The following ADGRF5 variants were observed in gnomAD, a reference collection of about 807,000 sequenced individuals.
ADGRF5 encodes the protein G-protein coupled receptor 116.
In ADGRF5, 75 loss-of-function variants were observed where a neutral mutation model predicts 132.3. The ratio of observed to expected loss-of-function variants is 0.57; its 90% CI spans 0.47 to 0.69. ADGRF5 has a LOEUF of 0.69. ADGRF5 is among the 30% of genes least tolerant of loss of function. The pLI, the probability that ADGRF5 is intolerant of heterozygous loss-of-function variation, is 0.00. For synonymous variants in ADGRF5, 629 were observed against 597.6 expected (o/e 1.05, Z -0.77); for missense variants, 1,516 against 1,630.6 (o/e 0.93, Z 1.21).
At chr6:46,884,991 C>T (rs547129555) in intron 4 of ADGRF5, among the ~76,000 whole-genome samples, 9 of 152,096 alleles carry the variant, frequency 5.9e-5, no homozygotes. Context: ...CACTTGAGCC[C>T]AGGAGTTTGA....
chr6:46,897,787 G>T (rs1774338705), intron 3 of ADGRF5, among the ~76,000 whole-genome samples: 1 of 152,114 alleles, frequency 6.6e-6, no homozygotes, highest in Non-Finnish European at 1.5e-5. Context: ...CTCGTGATCT[G>T]CCCACCTTGG....
chr6:46,915,538 G>T (rs1238854184), intron 1 of ADGRF5, among the ~76,000 whole-genome samples: 1 of 152,006 alleles, frequency 6.6e-6, no homozygotes, highest in African/African-American at 2.4e-5. Context: ...ACAGTAATTG[G>T]CAGGGCCACC....
chr6:46,856,492 A>G (rs533458616), intron 19 of ADGRF5, among the ~76,000 whole-genome samples: 5 of 152,342 alleles, frequency 3.3e-5, no homozygotes, highest in African/African-American at 9.6e-5. Flanking sequence ...TAGCATCTCA[A>G]TGACAGCTCT....
intron 12 of ADGRF5, 22 bp from the exon 13 acceptor site, chr6:46,867,159 T>G (rs1317596632): frequency 1.6e-6 from 2 of 1,230,964 alleles, no homozygotes; most frequent in African/African-American, 3.7e-5. Context: ...ACGGCAAAAA[T>G]GAGATGGAAT....
chr6:46,901,330 C>A (rs141790389), intron 2 of ADGRF5, among the ~76,000 whole-genome samples: 2 of 152,290 alleles, frequency 1.3e-5, no homozygotes, highest in East Asian at 3.9e-4. Context: ...ACTCCTTTCA[C>A]ACTCAATAGA....
intron 3 of ADGRF5, among the ~76,000 whole-genome samples, chr6:46,889,566 GTGTATATA>G (rs1220298818): frequency 2.5e-5 from 3 of 121,052 alleles, no homozygotes. Context: ...GTGTGTGTGT[GTGTATATA>G]TATATATATA....
At chr6:46,872,693 C>T (rs1238506403) in intron 10 of ADGRF5, among the ~76,000 whole-genome samples, 1 of 152,104 alleles carries the variant, frequency 6.6e-6, no homozygotes, top group Non-Finnish European at 1.5e-5. Flanking sequence ...ACCATGCCCT[C>T]CATGCCATCT....
intron 1 of ADGRF5, among the ~76,000 whole-genome samples, chr6:46,929,146 G>A (rs1325019826): frequency 6.6e-6 from 1 of 152,086 alleles, no homozygotes; most frequent in South Asian, 2.1e-4. Flanking sequence ...TATACACCAT[G>A]GAATACTATG....
rs747694687 is a variant in ADGRF5, at chr6:46,888,301, T to A, written c.328+34A>T. The A allele has an allele frequency of 7.5e-6, 11 of 1,469,836 alleles. No individual in the cohort carries two copies. In the South Asian group the frequency reaches 9.1e-5, roughly 12 times the overall value. 91.0% of individuals were successfully genotyped at this position (1,469,836 alleles called of 1,614,324 possible). On this transcript the variant is annotated intron_variant, in intron 4 of 20. Transcript: ENST00000283296. ...AGACAGTCTGTCTCAAGACATCCAA[T>A]CATTTATTCTGAAGCAATGGGTCTC... is the stretch of plus-strand genomic sequence containing the variant.
At chr6:46,953,026 G>C (rs769225020) in intron 1 of ADGRF5, among the ~76,000 whole-genome samples, 2 of 152,130 alleles carry the variant, frequency 1.3e-5, no homozygotes, top group Non-Finnish European at 2.9e-5. Flanking sequence ...GCAGGCATTA[G>C]AGCATTCAAA....
intron 1 of ADGRF5, among the ~76,000 whole-genome samples, chr6:46,937,221 AGTGTGTGTGTGT>A (rs10558166): frequency 2.7e-5 from 4 of 146,690 alleles, no homozygotes; most frequent in Non-Finnish European, 6.0e-5. Flanking sequence ...GGCAATAAGG[AGTGTGTGTGTGT>A]GTGTGTGTGT....
At chr6:46,884,461 C>T (rs1772839952) in intron 4 of ADGRF5, among the ~76,000 whole-genome samples, 190 bp from the exon 5 acceptor site, 1 of 152,226 alleles carries the variant, frequency 6.6e-6, no homozygotes, top group African/African-American at 2.4e-5. Context: ...TTAGCCATGA[C>T]AATCTGAAAG....
Position 46,858,169 on chromosome 6 carries a change from A to G in ADGRF5, c.3734T>C (p.Leu1245Pro). The G allele has an allele frequency of 6.2e-7, 1 of 1,614,024 alleles. No homozygotes were observed. Among genetic ancestry groups the G allele is most frequent in the Non-Finnish European group, 8.5e-7 (1 of 1,179,924 alleles). Residue 1245 changes from leucine to proline, a missense_variant, in exon 17 of 21, where the codon CTT becomes CCT. Physicochemically the swap from Leu to Pro is moderately conservative, Grantham distance 98. This residue lies in a region of ADGRF5 where 571 missense variants were observed against 701.2 expected (regional missense o/e 0.81). Coordinates refer to ENST00000283296, the MANE Select transcript of ADGRF5 (RefSeq NM_001098518.2). ...GLTTVFPGTN[L>P]VFHIIFAILN... ...GATGGCAAATATGATATGGAACACA[A>G]GGTTGGTCCCTGGGAACACAGTGGT... is the stretch of plus-strand genomic sequence containing the variant.
At chr6:46,862,690 A>G (rs1472523490) in intron 15 of ADGRF5, among the ~76,000 whole-genome samples, 198 bp downstream of exon 15, 1 of 89,064 alleles carries the variant, frequency 1.1e-5, no homozygotes, top group Non-Finnish European at 2.1e-5. Flanking sequence ...TTGTCTTAGT[A>G]TTTGAATTGA....
At chr6:46,945,368 G>A (rs1337331741) in intron 1 of ADGRF5, among the ~76,000 whole-genome samples, 1 of 152,146 alleles carries the variant, frequency 6.6e-6, no homozygotes, top group African/African-American at 2.4e-5. Context: ...TCCTGAAAGA[G>A]AACAAGATGT....
chr6:46,872,966 AG>A (rs971669038), intron 10 of ADGRF5, among the ~76,000 whole-genome samples: 3 of 152,298 alleles, frequency 2.0e-5, no homozygotes, highest in African/African-American at 7.2e-5. Context: ...GACCCCAGAA[AG>A]GTTGTTTGAA....
At position 46,898,678 on chromosome 6, in the gene ADGRF5, G is replaced by A. The variant is rs558756495; in HGVS notation, c.157+1351C>T. On this transcript the variant is annotated intron_variant, in intron 3 of 20. Coordinates refer to ENST00000283296, the MANE Select transcript of ADGRF5 (RefSeq NM_001098518.2). ...AAGCGCTGGACAACAGTTGAGTCTG[G>A]CCACTGCACCGTGAAAGGCTTGAAC... 2.4e-4 allele frequency among the ~76,000 whole-genome samples: 36 copies of A among 152,266 alleles called. No homozygotes were observed. The South Asian group carries it at 7.3e-3, about 31-fold the overall frequency.
At chr6:46,886,567 T>C (rs1288750605) in intron 4 of ADGRF5, 2 of 152,230 alleles carry the variant, frequency 1.3e-5, no homozygotes, top group African/African-American at 4.8e-5. Context: ...CCACCTGACA[T>C]ATCCCAGGTA....
intron 12 of ADGRF5, 23 bp downstream of exon 12, chr6:46,868,860 A>G (rs771183742): frequency 1.4e-6 from 2 of 1,470,318 alleles, no homozygotes; most frequent in South Asian, 1.2e-5. Context: ...GCAGCACAAT[A>G]CGGTGTCCGG....
Sources: gnomAD v4.1 joint callset for allele counts (sites outside exome capture counted in the v4.1 genomes callset) on GRCh38, gnomAD v4.1.1 for gene constraint, gnomAD v4.1.1 regional missense constraint, MANE v1.5 for transcripts, NCBI Gene and HGNC (gene_info 2026-07-23, HGNC 2026-07-21) for gene names.